RYR2: variants seen among roughly 807,000 people sequenced by gnomAD.
RYR2 encodes ryanodine receptor 2.
RYR2 carries 227 observed loss-of-function variants against 601.1 expected under a neutral mutation model. The observed-to-expected ratio is 0.38, with a 90% CI of 0.34 to 0.42. The LOEUF (loss-of-function observed/expected upper bound fraction) is 0.42. Among genes scored for constraint, RYR2 ranks in the 10% least tolerant of loss-of-function variants. RYR2 has a pLI of 1.00. For synonymous variants in RYR2, 2,223 were observed against 2,175.1 expected, an observed-to-expected ratio of 1.02 and a Z score of -0.61; for missense variants, 4,646 against 6,156.5, an observed-to-expected ratio of 0.75 and a Z score of 8.21.
chr1:237,277,734 T>G (rs1257845633), intron 2 of RYR2, among the ~76,000 whole-genome samples: 1 of 152,104 alleles, frequency 6.6e-6, no homozygotes, highest in Non-Finnish European at 1.5e-5. Context: ...GCAGGAGGAT[T>G]GCTTGAGCCT....
chr1:237,691,322 G>A (rs538420294), intron 63 of RYR2, among the ~76,000 whole-genome samples: 32 of 152,194 alleles, frequency 2.1e-4, no homozygotes, highest in African/African-American at 7.7e-4. Flanking sequence ...GTCAGAAAGT[G>A]GAGACAGGAC....
At chr1:237,359,406 A>G (rs767829152) in intron 4 of RYR2, among the ~76,000 whole-genome samples, 1 of 152,202 alleles carries the variant, frequency 6.6e-6, no homozygotes, top group African/African-American at 2.4e-5. Flanking sequence ...ACCTTCTTGT[A>G]AATCCCCTTC....
intron 87 of RYR2, among the ~76,000 whole-genome samples, chr1:237,778,156 T>A (rs74794854): frequency 0.011 from 1,621 of 152,294 alleles, 18 homozygotes; most frequent in Middle Eastern, 0.02. Context: ...AAACACGTCA[T>A]TGGTTGTACC....
intron 84 of RYR2, among the ~76,000 whole-genome samples, chr1:237,768,703 A>G (rs933496471): frequency 6.6e-6 from 1 of 151,950 alleles, no homozygotes; most frequent in African/African-American, 2.4e-5. Context: ...TTCTGCAGAC[A>G]TAAAGCCATC....
At chr1:237,070,243 G>A (rs1005234366) in intron 1 of RYR2, among the ~76,000 whole-genome samples, 66 of 151,800 alleles carry the variant, frequency 4.3e-4, no homozygotes, top group African/African-American at 1.5e-3. Context: ...TTTCTTGCAG[G>A]CTGACTTGAA....
At chr1:237,456,012 CTG>C (rs1658771870) in intron 15 of RYR2, among the ~76,000 whole-genome samples, 1 of 152,050 alleles carries the variant, frequency 6.6e-6, no homozygotes, top group Non-Finnish European at 1.5e-5. Flanking sequence ...CTCTTAAATT[CTG>C]TGTGAAATAA....
intron 8 of RYR2, among the ~76,000 whole-genome samples, chr1:237,383,417 GTTTTT>G (rs10567644): frequency 1.4e-4 from 7 of 50,558 alleles, no homozygotes; most frequent in African/African-American, 5.2e-4. Context: ...CTTTTTTCTT[GTTTTT>G]TTTTTTTTTT....
chr1:237,580,764 T>C (rs1673826174), intron 29 of RYR2, among the ~76,000 whole-genome samples: 2 of 152,270 alleles, frequency 1.3e-5, no homozygotes, highest in South Asian at 4.1e-4. Context: ...GGGGCCTTAA[T>C]CCAGTATGGC....
chr1:237,445,868 G>A (rs929366725), intron 14 of RYR2, among the ~76,000 whole-genome samples: 2 of 152,004 alleles, frequency 1.3e-5, no homozygotes, highest in African/African-American at 4.8e-5. Context: ...CCAGGCTGGA[G>A]TGCAGTGGTG....
chr1:237,100,474 C>T (rs1272188132), intron 1 of RYR2, among the ~76,000 whole-genome samples: 8 of 151,166 alleles, frequency 5.3e-5, no homozygotes, highest in Non-Finnish European at 7.4e-5. Flanking sequence ...GCAACCTCCA[C>T]TTCCCAGATT....
At chr1:237,187,220 G>T (rs531161887) in intron 1 of RYR2, among the ~76,000 whole-genome samples, 4 of 151,438 alleles carry the variant, frequency 2.6e-5, no homozygotes, top group Non-Finnish European at 5.9e-5. Flanking sequence ...GCTCAGGCTG[G>T]AGTGCAGTGG....
intron 1 of RYR2, among the ~76,000 whole-genome samples, chr1:237,269,846 C>T (rs1689504780): frequency 6.6e-6 from 1 of 152,134 alleles, no homozygotes; most frequent in Non-Finnish European, 1.5e-5. Flanking sequence ...TCGTCTTTCC[C>T]CATGTACAGT....
In RYR2 at chr1:237,630,895, T is replaced by C. The variant is rs113752455; in HGVS notation, c.6441-532T>C. 3.2e-3 allele frequency among the ~76,000 whole-genome samples: 483 copies of C among 152,308 alleles called. 5 individuals carry two copies. The highest frequency in any genetic ancestry group is 0.011 in the African/African-American group (440 of 41,592). On this transcript the variant is annotated intron_variant, in intron 41 of 104. Coordinates refer to ENST00000366574, the MANE Select transcript of RYR2 (RefSeq NM_001035.3). ...GGACTTCATGTATACTCAGTTTCTC[T>C]TGGAGAATATGAATCCTTTTAAGTA... is the stretch of plus-strand genomic sequence containing the variant.
intron 25 of RYR2, among the ~76,000 whole-genome samples, chr1:237,538,648 G>A (rs1668924158): frequency 6.6e-6 from 1 of 151,612 alleles, no homozygotes; most frequent in South Asian, 2.1e-4. Context: ...GGCACAACCT[G>A]TAATCCCGGC....
intron 29 of RYR2, among the ~76,000 whole-genome samples, chr1:237,579,018 A>T (rs1673587016): frequency 7.3e-6 from 1 of 136,510 alleles, no homozygotes. Flanking sequence ...ATCAGCTTAG[A>T]GGGAAAAAAA....
At chr1:237,792,398 C>T (rs61830309) in intron 94 of RYR2, 75 bp downstream of exon 94, 77,417 of 478,054 alleles carry the variant, frequency 0.16, 6,205 homozygotes, top group Admixed American at 0.31. Flanking sequence ...TGTGTGTGTG[C>T]GTGTGTGTGT....
intron 25 of RYR2, among the ~76,000 whole-genome samples, chr1:237,533,410 GAT>G (rs1297868757): frequency 6.6e-6 from 1 of 152,104 alleles, no homozygotes; most frequent in Admixed American, 6.6e-5. Context: ...CACTCATAGA[GAT>G]ATACCCTAGA....
intron 98 of RYR2, among the ~76,000 whole-genome samples, chr1:237,803,287 C>T (rs1331840311): frequency 6.6e-6 from 1 of 150,970 alleles, no homozygotes; most frequent in Non-Finnish European, 1.5e-5. Context: ...ATAAATTTTC[C>T]TTTTCCTCAG....
chr1:237,355,896 A>C, intron 3 of RYR2, 69 bp from the exon 4 acceptor site: 1 of 1,343,194 alleles, frequency 7.4e-7, no homozygotes, highest in Non-Finnish European at 1.0e-6. Flanking sequence ...ATTCATTTAA[A>C]TGACAGTAAT....
Sources: gnomAD v4.1 joint callset for allele counts (sites outside exome capture counted in the v4.1 genomes callset) on GRCh38, gnomAD v4.1.1 for gene constraint, MANE v1.5 for transcripts, NCBI Gene and HGNC (gene_info 2026-07-23, HGNC 2026-07-21) for gene names.